KIAA1671: variants seen among roughly 807,000 people sequenced by gnomAD.
KIAA1671 encodes uncharacterized protein KIAA1671.
A neutral mutation model predicts 131.2 loss-of-function variants in KIAA1671; 52 were observed. That is an observed-to-expected ratio of 0.40 (90% CI 0.32 to 0.50). The LOEUF is 0.50. Among genes scored for constraint, KIAA1671 ranks in the 20% least tolerant of loss-of-function variants. KIAA1671 has a pLI of 0.73. For missense variants in KIAA1671, 2,360 were observed against 2,364.2 expected (o/e 1.00, Z 0.04); for synonymous variants, 1,003 against 961.6 (o/e 1.04, Z -0.80).
At chr22:25,096,511 G>C (rs750665262) in intron 6 of KIAA1671, among the ~76,000 whole-genome samples, 10 of 152,170 alleles carry the variant, frequency 6.6e-5, no homozygotes, top group Middle Eastern at 3.2e-3. Flanking sequence ...CCCGTCCGCT[G>C]GTCTTTGGGT....
At chr22:25,081,155 A>G (rs1929386471) in intron 6 of KIAA1671, among the ~76,000 whole-genome samples, 1 of 152,212 alleles carries the variant, frequency 6.6e-6, no homozygotes, top group Non-Finnish European at 1.5e-5. Flanking sequence ...TCCAGGATGC[A>G]AATGCCATGT....
chr22:24,953,817 TTCTC>T (rs1414313452), intron 1 of KIAA1671, among the ~76,000 whole-genome samples: 1 of 152,188 alleles, frequency 6.6e-6, no homozygotes, highest in Non-Finnish European at 1.5e-5. Flanking sequence ...GGACTGAACT[TTCTC>T]TAGCCAGGAG....
intron 1 of KIAA1671, among the ~76,000 whole-genome samples, chr22:25,009,176 C>T (rs1358684307): frequency 6.6e-6 from 1 of 151,022 alleles, no homozygotes; most frequent in Non-Finnish European, 1.5e-5. Context: ...CTCAACCACC[C>T]TTTTAGGCTT....
chr22:25,103,750 C>G (rs996448790), intron 6 of KIAA1671, among the ~76,000 whole-genome samples: 2 of 152,138 alleles, frequency 1.3e-5, no homozygotes, highest in African/African-American at 4.8e-5. Flanking sequence ...TCGCGGTCTC[C>G]CAAAGTGCTG....
At chr22:25,090,988 C>G (rs1241038822) in intron 6 of KIAA1671, among the ~76,000 whole-genome samples, 1 of 152,196 alleles carries the variant, frequency 6.6e-6, no homozygotes, top group East Asian at 1.9e-4. Context: ...AGCACAGGGC[C>G]TGGAACACAG....
At chr22:24,981,965 A>G (rs1923258258) in intron 1 of KIAA1671, among the ~76,000 whole-genome samples, 1 of 152,198 alleles carries the variant, frequency 6.6e-6, no homozygotes, top group South Asian at 2.1e-4. Flanking sequence ...AGGCATAACC[A>G]TATATTACTG....
intron 1 of KIAA1671, among the ~76,000 whole-genome samples, chr22:24,992,968 C>A (rs764102775): frequency 6.6e-6 from 1 of 152,022 alleles, no homozygotes; most frequent in African/African-American, 2.4e-5. Flanking sequence ...TACCCATGCT[C>A]ATAGAGGTAG....
intron 1 of KIAA1671, among the ~76,000 whole-genome samples, chr22:24,966,450 G>T (rs897086841): frequency 6.6e-6 from 1 of 152,200 alleles, no homozygotes; most frequent in African/African-American, 2.4e-5. Context: ...CCAGTGCCCT[G>T]GGCAGGGCTG....
At position 25,062,032 on chromosome 22, in the gene KIAA1671, TCTC is replaced by T. The variant is rs1340043671; in HGVS notation, c.4530+12674_4530+12676del. ...TCCATTTTTATCTCTTCCTCCCTTT[TCTC>T]CTCCTTCTGCACTTTTTTTTTTCTT... On this transcript the variant is annotated intron_variant, in intron 6 of 12. Coordinates refer to ENST00000358431, the MANE Select transcript of KIAA1671 (RefSeq NM_001145206.2). The T allele has an allele frequency of 3.3e-5, 5 of 150,588 alleles. No homozygotes were observed. The East Asian group carries it at 7.8e-4, about 23-fold the overall frequency. The allele number at this position is 150,588 out of a possible 1,614,324, so 9.3% of individuals were successfully genotyped here.
rs201824284 is a variant in KIAA1671 at position 25,132,255 on chromosome 22, TCAAA to T, written c.4531-38561_4531-38558del. On this transcript the variant is annotated intron_variant, in intron 6 of 12. Coordinates refer to ENST00000358431, the MANE Select transcript of KIAA1671 (RefSeq NM_001145206.2). ...AACTATTGTTAGAGAACGGAGGTTC[TCAAA>T]CAATGCAAGTACCCAGGCCCCACCT... Among the ~76,000 whole-genome samples the T allele has an allele frequency of 2.0e-5, 3 of 152,250 alleles. No homozygotes were observed. The East Asian group carries it at 5.8e-4, about 29-fold the overall frequency.
chr22:25,118,340 C>G (rs1229093346), intron 6 of KIAA1671, among the ~76,000 whole-genome samples: 6 of 152,122 alleles, frequency 3.9e-5, no homozygotes, highest in Admixed American at 1.3e-4. Flanking sequence ...CTGGTAAGGA[C>G]ACTTGTCCCT....
At chr22:24,998,128 T>G (rs1333411480) in intron 1 of KIAA1671, among the ~76,000 whole-genome samples, 1 of 152,164 alleles carries the variant, frequency 6.6e-6, no homozygotes, top group Admixed American at 6.6e-5. Flanking sequence ...AGGCCAGGTG[T>G]GGCAATATAC....
chr22:25,177,799 G>A (rs1432424940), intron 9 of KIAA1671, among the ~76,000 whole-genome samples: 2 of 152,068 alleles, frequency 1.3e-5, no homozygotes, highest in Non-Finnish European at 2.9e-5. Flanking sequence ...CCCAGCCCTC[G>A]GTTCTGCTTC....
In KIAA1671 at chr22:24,952,761, G is replaced by T. The variant is rs1000989641; in HGVS notation, c.-219G>T. ...AGGTGGCGGCGCGGCGCGGGCTGGC[G>T]GTGGCTCCACGGTAGGTTGCGCAGC... On this transcript the variant is annotated 5_prime_UTR_variant, in exon 1 of 13. Coordinates refer to ENST00000358431, the MANE Select transcript of KIAA1671 (RefSeq NM_001145206.2). This position sits in a 1 kb window ranked among gnomAD's most constrained non-coding sequence, Gnocchi z 4.5. 1.9e-5 allele frequency: 3 copies of T among 155,070 alleles called. No individual in the cohort carries two copies. The highest frequency in any genetic ancestry group is 4.3e-5 in the Non-Finnish European group (3 of 70,110). 9.6% of individuals were successfully genotyped at this position (155,070 alleles called of 1,614,324 possible).
chr22:25,180,081 G>T (rs1033022638), intron 9 of KIAA1671, among the ~76,000 whole-genome samples: 3 of 73,566 alleles, frequency 4.1e-5, no homozygotes, highest in Non-Finnish European at 9.4e-5. Flanking sequence ...TGGGCTACCC[G>T]AGGAACTGTG....
chr22:25,155,510 TTA>T (rs1933201074), intron 6 of KIAA1671, among the ~76,000 whole-genome samples: 1 of 151,986 alleles, frequency 6.6e-6, no homozygotes, highest in Admixed American at 6.6e-5. Context: ...GTGCATGTAT[TTA>T]TATGTGTTTT....
chr22:25,006,776 A>G (rs1029271860), intron 1 of KIAA1671, among the ~76,000 whole-genome samples: 3 of 152,106 alleles, frequency 2.0e-5, no homozygotes, highest in African/African-American at 7.2e-5. Flanking sequence ...TCGGCCCCAC[A>G]TCACTCTGTT....
At position 25,049,295 on chromosome 22, in the gene KIAA1671, G is replaced by A. The variant is rs1407603499; in HGVS notation, c.4461G>A (p.Val1487=). The A allele has an allele frequency of 6.4e-7, 1 of 1,551,810 alleles. No individual in the cohort carries two copies. The highest frequency in any genetic ancestry group is 1.7e-4 in the Middle Eastern group (1 of 5,992). Residue 1487 remains valine, a synonymous_variant, in exon 6 of 13, where the codon GTG becomes GTA. Transcript: ENST00000358431. ...AGAAGGAGCGACCGCTCCAGCAGGTGTCCCCTGTGGCCTCGGTTCCCTGGA... is the reference window on the plus strand; with the variant it reads ...AGAAGGAGCGACCGCTCCAGCAGGTATCCCCTGTGGCCTCGGTTCCCTGGA... ...PQEKERPLQQ[V]SPVASVPWRS...
At position 24,992,847 on chromosome 22, in the gene KIAA1671, C is replaced by T. The variant is rs561321452; in HGVS notation, c.-207-32786C>T. Reference sequence around the variant, plus strand: ...AAAAAAAAAAAAAAAAAGACAATGCCAAGTGCTTTTTGATGTATATTCTTA... The same window carrying T: ...AAAAAAAAAAAAAAAAAGACAATGCTAAGTGCTTTTTGATGTATATTCTTA... On this transcript the variant is annotated intron_variant, in intron 1 of 12. Transcript: ENST00000358431. 8.1e-5 allele frequency among the ~76,000 whole-genome samples: 11 copies of T among 136,576 alleles called. No individual in the cohort carries two copies. The East Asian group carries it at 2.2e-3, about 27-fold the overall frequency. The allele number at this position is 136,576 out of a possible 152,430, so 89.6% of individuals were successfully genotyped here. A position where few individuals can be genotyped will look rare whatever the true frequency, so the allele number is the denominator to read the frequency against.
Sources: allele counts gnomAD v4.1 joint callset (sites outside exome capture counted in the v4.1 genomes callset), GRCh38; gene constraint gnomAD v4.1.1; non-coding constraint Gnocchi (gnomAD v3.1); transcripts MANE v1.5; gene names NCBI Gene and HGNC (gene_info 2026-07-23, HGNC 2026-07-21).